The following ZFPM1 variants were observed in gnomAD, a reference collection of about 807,000 sequenced individuals.
ZFPM1 encodes the protein zinc finger protein ZFPM1.
ZFPM1 carries 28 observed loss-of-function variants against 46.3 expected under a neutral mutation model. That is an observed-to-expected ratio of 0.60 (90% CI 0.45 to 0.83). ZFPM1 has a LOEUF of 0.83. Ranked by LOEUF, ZFPM1 falls within the 40% of genes least tolerant of loss-of-function variation. The probability of loss-of-function intolerance (pLI) is 0.00; values close to 1 mark genes in which losing one functional copy is unlikely to be tolerated. For missense variants in ZFPM1, 1,878 were observed against 1,432.4 expected, an observed-to-expected ratio of 1.31 and a Z score of -5.02; for synonymous variants, 957 against 675.9, an observed-to-expected ratio of 1.42 and a Z score of -6.45.
At chr16:88,503,400 G>A (rs1910484053) in intron 3 of ZFPM1, among the ~76,000 whole-genome samples, 1 of 130,038 alleles carries the variant, frequency 7.7e-6, no homozygotes, top group South Asian at 2.7e-4. Context: ...CGGTTCCTGA[G>A]TGCAGGGATC....
At chr16:88,462,883 G>C (rs1290944651) in intron 1 of ZFPM1, among the ~76,000 whole-genome samples, 1 of 143,968 alleles carries the variant, frequency 6.9e-6, no homozygotes, top group East Asian at 1.9e-4. Flanking sequence ...GCTGTGAGGA[G>C]CGATGCCACC....
At chr16:88,532,969 T>C (rs559750127) in intron 9 of ZFPM1, 34 bp downstream of exon 9, 1 of 1,611,308 alleles carries the variant, frequency 6.2e-7, no homozygotes, top group Non-Finnish European at 8.5e-7. Flanking sequence ...CCCTGCCCCT[T>C]AGGCCCCCTG....
In ZFPM1 at chr16:88,471,454, G is replaced by C. The variant is rs1412329205; in HGVS notation, c.41-14485G>C. On this transcript the variant is annotated intron_variant, in intron 1 of 9. Transcript: ENST00000319555. This position sits in a 1 kb window ranked among gnomAD's most constrained non-coding sequence, Gnocchi z 4.1. ...CCCCAAGATGACCATGGCTGCGGTG[G>C]CTCCTGCTCACAGTGGGGGATGCCA... Among the ~76,000 whole-genome samples, 1 of 150,744 alleles carries C rather than the reference G, an allele frequency of 6.6e-6. No individual in the cohort carries two copies. The highest frequency in any genetic ancestry group is 2.5e-5 in the African/African-American group (1 of 40,240).
At chr16:88,464,627 G>C (rs551391606) in intron 1 of ZFPM1, among the ~76,000 whole-genome samples, 1 of 152,258 alleles carries the variant, frequency 6.6e-6, no homozygotes, top group East Asian at 1.9e-4. Flanking sequence ...GGCAATGGTC[G>C]GTGGGCACCC....
chr16:88,505,206 G>C (rs946114474), intron 3 of ZFPM1, among the ~76,000 whole-genome samples: 5 of 152,206 alleles, frequency 3.3e-5, no homozygotes, highest in African/African-American at 1.2e-4. Context: ...TACAGTGGAC[G>C]CCAGGCCCAG....
chr16:88,536,325 C>G lies in ZFPM1; in HGVS notation c.*1346C>G, dbSNP rs1027770591. On this transcript the variant is annotated 3_prime_UTR_variant, in exon 10 of 10. Coordinates refer to ENST00000319555, the MANE Select transcript of ZFPM1 (RefSeq NM_153813.3). ...TAGCTGGGACTACAGGCTTGACCCA[C>G]CACACCTGGCTAACTTTTAAAACAT... 6.6e-6 allele frequency: 1 copy of G among 152,198 alleles called. No individual in the cohort carries two copies. Among genetic ancestry groups the G allele is most frequent in the African/African-American group, 2.4e-5 (1 of 41,450 alleles). The allele number at this position is 152,198 out of a possible 1,614,324, so 9.4% of individuals were successfully genotyped here.
At chr16:88,492,098 A>G (rs746450646) in intron 3 of ZFPM1, among the ~76,000 whole-genome samples, 29 of 147,698 alleles carry the variant, frequency 2.0e-4, no homozygotes, top group Non-Finnish European at 3.8e-4. Flanking sequence ...CTCTCTCCCC[A>G]TCCCTCCTCG....
chr16:88,525,758 C>G (rs1038751326), intron 4 of ZFPM1, among the ~76,000 whole-genome samples: 3 of 152,218 alleles, frequency 2.0e-5, no homozygotes, highest in Non-Finnish European at 4.4e-5. Flanking sequence ...CAGAGCGAGG[C>G]CATGGACTGC....
At chr16:88,482,716 C>T (rs986160752) in intron 1 of ZFPM1, among the ~76,000 whole-genome samples, 4 of 152,204 alleles carry the variant, frequency 2.6e-5, no homozygotes, top group Admixed American at 2.0e-4. Context: ...GAGCAGGTCA[C>T]TGAGGCCCTG....
chr16:88,468,177 C>A (rs1012820985), intron 1 of ZFPM1, among the ~76,000 whole-genome samples: 1 of 134,990 alleles, frequency 7.4e-6, no homozygotes. Flanking sequence ...CAGGCCCTGA[C>A]GCACCCGCGA....
intron 3 of ZFPM1, among the ~76,000 whole-genome samples, chr16:88,507,557 G>T (rs373766371): frequency 2.0e-5 from 3 of 152,210 alleles, no homozygotes; most frequent in African/African-American, 7.2e-5. Context: ...TTGGCTGGAC[G>T]GGGTATGACT....
chr16:88,507,426 T>G (rs1392127080), intron 3 of ZFPM1, among the ~76,000 whole-genome samples: 1 of 152,158 alleles, frequency 6.6e-6, no homozygotes, highest in African/African-American at 2.4e-5. Context: ...TTTCTTGACT[T>G]GGCATTCAGG....
chr16:88,462,560 A>G (rs958603389), intron 1 of ZFPM1, among the ~76,000 whole-genome samples: 2 of 152,188 alleles, frequency 1.3e-5, no homozygotes, highest in Admixed American at 1.3e-4. Context: ...GCCTGTGCCT[A>G]GGACCTCCTG....
chr16:88,528,334 G>A, intron 6 of ZFPM1, 96 bp downstream of exon 6: 2 of 1,319,962 alleles, frequency 1.5e-6, no homozygotes, highest in South Asian at 2.9e-5. Context: ...GAAGCTCGGG[G>A]GCTGCAGGCT....
upstream of ZFPM1, among the ~76,000 whole-genome samples, chr16:88,451,907 C>T (rs1907297281): frequency 6.6e-6 from 1 of 152,156 alleles, no homozygotes; most frequent in Non-Finnish European, 1.5e-5. Flanking sequence ...CTCTCCTACC[C>T]ACCCGCCACT....
At position 88,534,775 on chromosome 16, in the gene ZFPM1, G is replaced by T; in HGVS notation, c.2817G>T (p.Ala939=). Residue 939 remains alanine (A), a synonymous_variant, in exon 10 of 10, where the codon GCG becomes GCT. Coordinates refer to ENST00000319555, the MANE Select transcript of ZFPM1 (RefSeq NM_153813.3). ...PPGPPPSPAA[A]PEAVPPPPAP... is the part of the protein sequence containing the mutation. Reference sequence around the variant, plus strand: ...GCCCGCCCCCGTCCCCGGCCGCCGCGCCCGAGGCCGTGCCGCCCCCGCCGG... The same window carrying T: ...GCCCGCCCCCGTCCCCGGCCGCCGCTCCCGAGGCCGTGCCGCCCCCGCCGG... The T allele has an allele frequency of 1.6e-6, 2 of 1,218,648 alleles. No homozygotes were observed. The highest frequency in any genetic ancestry group is 2.1e-6 in the Non-Finnish European group (2 of 975,244). The allele number at this position is 1,218,648 out of a possible 1,614,324, so 75.5% of individuals were successfully genotyped here.
At chr16:88,473,052 C>T (rs1412372632) in intron 1 of ZFPM1, among the ~76,000 whole-genome samples, 1 of 152,266 alleles carries the variant, frequency 6.6e-6, no homozygotes, top group Admixed American at 6.5e-5. Flanking sequence ...CTGCCGTCCC[C>T]CGTGGGACCG....
intron 3 of ZFPM1, among the ~76,000 whole-genome samples, chr16:88,492,999 G>A (rs1312674367): frequency 1.2e-4 from 18 of 151,912 alleles, no homozygotes; most frequent in African/African-American, 4.1e-4. Context: ...GTCCCAGGGT[G>A]TGGGGAGCTG....
At chr16:88,506,127 G>A (rs1020736290) in intron 3 of ZFPM1, among the ~76,000 whole-genome samples, 1 of 152,216 alleles carries the variant, frequency 6.6e-6, no homozygotes, top group Non-Finnish European at 1.5e-5. Flanking sequence ...TTGTGGCCCA[G>A]CAGAGGCCAG....
Sources: allele counts gnomAD v4.1 joint callset (sites outside exome capture counted in the v4.1 genomes callset), GRCh38; gene constraint gnomAD v4.1.1; non-coding constraint Gnocchi (gnomAD v3.1); transcripts MANE v1.5; gene names NCBI Gene and HGNC (gene_info 2026-07-23, HGNC 2026-07-21).